The following PTPRR variants were observed in gnomAD, a reference collection of about 807,000 sequenced individuals.
The protein encoded by PTPRR is protein tyrosine phosphatase receptor type R.
Under a neutral mutation model 77.2 loss-of-function variants are expected in PTPRR, and 38 were observed. That is an observed-to-expected ratio of 0.49 (90% CI 0.38 to 0.65). The LOEUF (loss-of-function observed/expected upper bound fraction) is 0.65. PTPRR is among the 30% of genes least tolerant of loss of function. PTPRR has a pLI of 0.00. For missense variants in PTPRR, 744 were observed against 799.2 expected, an observed-to-expected ratio of 0.93 and a Z score of 0.83; for synonymous variants, 299 against 283.1, an observed-to-expected ratio of 1.06 and a Z score of -0.57.
intron 13 of PTPRR, among the ~76,000 whole-genome samples, chr12:70,656,209 C>T (rs938394887): frequency 6.6e-6 from 1 of 151,972 alleles, no homozygotes; most frequent in Non-Finnish European, 1.5e-5. Flanking sequence ...CAAAGTGAGA[C>T]CCTGTCTCAA....
intron 2 of PTPRR, among the ~76,000 whole-genome samples, chr12:70,817,250 A>T (rs1301562203): frequency 1.3e-5 from 2 of 152,228 alleles, no homozygotes; most frequent in African/African-American, 4.8e-5. Flanking sequence ...TAAAGAGCTT[A>T]AAATATATGA....
intron 2 of PTPRR, among the ~76,000 whole-genome samples, chr12:70,765,805 C>T (rs1376575856): frequency 3.3e-5 from 5 of 152,162 alleles, no homozygotes; most frequent in Non-Finnish European, 7.3e-5. Context: ...GGGTACTCCT[C>T]TGAGACAAAA....
intron 2 of PTPRR, among the ~76,000 whole-genome samples, chr12:70,786,733 T>C (rs922485185): frequency 6.6e-6 from 1 of 152,242 alleles, no homozygotes; most frequent in African/African-American, 2.4e-5. Flanking sequence ...GTAATGGGAT[T>C]CTGTGTTTTC....
chr12:70,755,788 C>A (rs1890548112), intron 4 of PTPRR, among the ~76,000 whole-genome samples: 2 of 151,972 alleles, frequency 1.3e-5, no homozygotes, highest in Non-Finnish European at 2.9e-5. Context: ...AAACCAAGTA[C>A]CCTGCTGCAA....
At position 70,894,678 on chromosome 12, in the gene PTPRR, C is replaced by T. The variant is rs867905534; in HGVS notation, c.59-1701G>A. 4.0e-5 allele frequency among the ~76,000 whole-genome samples: 6 copies of T among 151,682 alleles called. 1 individual carries two copies. The highest frequency in any genetic ancestry group is 4.1e-4 in the South Asian group (2 of 4,820). On this transcript the variant is annotated intron_variant, in intron 1 of 13. Transcript: ENST00000283228. ...TCTAAAACATTTTGGCACCATTTTC[C>T]ATTGATAAAACAGTGGTAAGAACAA... is the stretch of plus-strand genomic sequence containing the variant.
At chr12:70,765,387 C>T (rs951917914) in intron 2 of PTPRR, among the ~76,000 whole-genome samples, 1 of 152,190 alleles carries the variant, frequency 6.6e-6, no homozygotes, top group Non-Finnish European at 1.5e-5. Context: ...GGGTCCTATG[C>T]CCATGGAGTC....
intron 2 of PTPRR, among the ~76,000 whole-genome samples, chr12:70,829,247 G>A (rs370852417): frequency 1.1e-4 from 15 of 132,322 alleles, no homozygotes; most frequent in African/African-American, 5.2e-4. Flanking sequence ...AGGAAGGAAA[G>A]AGAAATAAAT....
At chr12:70,796,906 T>C (rs1176935201) in intron 2 of PTPRR, among the ~76,000 whole-genome samples, 1 of 151,958 alleles carries the variant, frequency 6.6e-6, no homozygotes, top group Non-Finnish European at 1.5e-5. Flanking sequence ...TAATCCCAAC[T>C]ACTCAGGAGG....
At chr12:70,858,390 C>T (rs1303532764) in intron 2 of PTPRR, among the ~76,000 whole-genome samples, 1 of 152,038 alleles carries the variant, frequency 6.6e-6, no homozygotes, top group Non-Finnish European at 1.5e-5. Context: ...ATTGTCAGGG[C>T]ATAACTTTTC....
At chr12:70,801,773 A>C (rs554181175) in intron 2 of PTPRR, among the ~76,000 whole-genome samples, 9 of 152,094 alleles carry the variant, frequency 5.9e-5, no homozygotes, top group Admixed American at 2.0e-4. Flanking sequence ...ATAGCTATCT[A>C]TCTCCCTCCC....
intron 2 of PTPRR, among the ~76,000 whole-genome samples, chr12:70,770,991 CTG>C (rs1890958854): frequency 1.0e-5 from 1 of 96,998 alleles, no homozygotes; most frequent in Non-Finnish European, 1.9e-5. Flanking sequence ...ACATCACACT[CTG>C]GGGACTGTTG....
chr12:70,709,576 T>C (rs1888747161), intron 6 of PTPRR, among the ~76,000 whole-genome samples: 1 of 152,068 alleles, frequency 6.6e-6, no homozygotes, highest in South Asian at 2.1e-4. Flanking sequence ...ATCCTATATC[T>C]AGAAAACCCA....
At chr12:70,863,991 C>G (rs995510605) in intron 2 of PTPRR, among the ~76,000 whole-genome samples, 1 of 152,130 alleles carries the variant, frequency 6.6e-6, no homozygotes, top group African/African-American at 2.4e-5. Flanking sequence ...TTATAAAGAA[C>G]AGATAGCCTC....
At chr12:70,750,985 C>T (rs1373911483) in intron 5 of PTPRR, among the ~76,000 whole-genome samples, 1 of 151,958 alleles carries the variant, frequency 6.6e-6, no homozygotes, top group African/African-American at 2.4e-5. Flanking sequence ...TGCAATTCCC[C>T]TGCCTCTGCC....
chr12:70,920,269 C>A, intron 1 of PTPRR, 64 bp downstream of exon 1: 1 of 1,528,322 alleles, frequency 6.5e-7, no homozygotes, highest in South Asian at 1.1e-5. Context: ...TTCCTAGAGT[C>A]CTTAAGCATG....
At chr12:70,682,490 C>T (rs905101580) in intron 10 of PTPRR, among the ~76,000 whole-genome samples, 3 of 152,008 alleles carry the variant, frequency 2.0e-5, no homozygotes, top group African/African-American at 7.2e-5. Flanking sequence ...TGGTTTTATG[C>T]CTTTTAGTCT....
intron 6 of PTPRR, among the ~76,000 whole-genome samples, chr12:70,739,931 T>C (rs150352624): frequency 1.3e-5 from 2 of 152,194 alleles, no homozygotes; most frequent in African/African-American, 4.8e-5. Context: ...AGGTTTATTT[T>C]AGGATGTAGT....
At position 70,892,865 on chromosome 12, in the gene PTPRR, G is replaced by A; in HGVS notation, c.171C>T (p.Ala57=). ...AGCTATGTCTGTAGATTTTTTGTGG[G>A]GCTATATCCAGGCTCTTCTCAATGT... ...SQDIEKSLDI[A]PQKIYRHSYH... is the part of the protein sequence containing the mutation. The change falls in exon 2 of 14, where the codon GCC becomes GCT. Residue 57 remains alanine, a synonymous_variant. Coordinates refer to ENST00000283228, the MANE Select transcript of PTPRR (RefSeq NM_002849.4). 1.2e-6 allele frequency: 2 copies of A among 1,613,328 alleles called. No individual in the cohort carries two copies. The highest frequency in any genetic ancestry group is 1.7e-5 in the Admixed American group (1 of 59,922).
chr12:70,646,118 G>A (rs922825887), intron 13 of PTPRR, among the ~76,000 whole-genome samples: 5 of 152,176 alleles, frequency 3.3e-5, no homozygotes, highest in African/African-American at 9.7e-5. Context: ...TTTTGGTAAA[G>A]TTTGGTACAG....
Sources: allele counts gnomAD v4.1 joint callset (sites outside exome capture counted in the v4.1 genomes callset), GRCh38; gene constraint gnomAD v4.1.1; transcripts MANE v1.5; gene names NCBI Gene and HGNC (gene_info 2026-07-23, HGNC 2026-07-21).